EIF4E3: variants seen among roughly 807,000 people sequenced by gnomAD.
EIF4E3 encodes the protein eukaryotic translation initiation factor 4E type 3.
In EIF4E3, 26 loss-of-function variants were observed where a neutral mutation model predicts 31.7. The ratio of observed to expected loss-of-function variants is 0.82; its 90% CI spans 0.60 to 1.14. The LOEUF (loss-of-function observed/expected upper bound fraction) is 1.14. EIF4E3 is among the 50% of genes most tolerant of loss of function. The pLI is 0.00. For synonymous variants in EIF4E3, 128 were observed against 107.7 expected (o/e 1.19, Z -1.17); for missense variants, 304 against 270.9 (o/e 1.12, Z -0.86).
chr3:71,692,090 T>G (rs1038181972), intron 5 of EIF4E3, among the ~76,000 whole-genome samples: 2 of 152,208 alleles, frequency 1.3e-5, no homozygotes, highest in African/African-American at 4.8e-5. Context: ...CACAGCACTT[T>G]CACAAATGGC....
At chr3:71,660,190 G>A in the EIF4E3 span, among the ~76,000 whole-genome samples, 10,773 of 152,166 alleles carry the variant, frequency 0.071, 1,079 homozygotes, top group African/African-American at 0.22. Flanking sequence ...TAAGAGATGG[G>A]AAGGTACCCA....
chr3:71,726,834 AG>A (rs895394039), upstream of EIF4E3, among the ~76,000 whole-genome samples: 1 of 152,226 alleles, frequency 6.6e-6, no homozygotes, highest in Non-Finnish European at 1.5e-5. Flanking sequence ...ACACTAAAAC[AG>A]GGGAGGGTGC....
At chr3:71,725,483 GCCGCCC>G (rs2049624762), upstream of EIF4E3, 1 of 160,182 alleles carries the variant, frequency 6.2e-6, no homozygotes, top group Non-Finnish European at 8.0e-6. The surrounding 1 kb of genome is among the most constrained non-coding windows in gnomAD (Gnocchi z 6.1). Flanking sequence ...CCCCGGGCTA[GCCGCCC>G]GCCGCCCGCC....
At chr3:71,727,945 T>A (rs567604144), upstream of EIF4E3, among the ~76,000 whole-genome samples, 153 of 152,318 alleles carry the variant, frequency 1.0e-3, no homozygotes, top group Non-Finnish European at 1.7e-3. Context: ...CTAGGAACAG[T>A]CTGGCAGTTT....
At chr3:71,686,720 T>C (rs1172569491) in intron 6 of EIF4E3, among the ~76,000 whole-genome samples, 1 of 152,124 alleles carries the variant, frequency 6.6e-6, no homozygotes, top group African/African-American at 2.4e-5. Flanking sequence ...AATCCAGATA[T>C]ACAGACTATC....
chr3:71,673,925 ATATAT>A (rs200989101), downstream of EIF4E3, among the ~76,000 whole-genome samples: 1,719 of 142,864 alleles, frequency 0.012, 35 homozygotes, highest in Admixed American at 0.059. Flanking sequence ...ATATATATAT[ATATAT>A]AAAAAACATA....
chr3:71,754,629 G>C, upstream of EIF4E3: 1 of 1,471,226 alleles, frequency 6.8e-7, no homozygotes, highest in Non-Finnish European at 9.0e-7. The surrounding 1 kb of genome is among the most constrained non-coding windows in gnomAD (Gnocchi z 5.8). Context: ...GGCCGTGGTG[G>C]TGGGCGCCAC....
intron 1 of EIF4E3, among the ~76,000 whole-genome samples, chr3:71,733,495 G>A (rs1479644137): frequency 6.6e-6 from 1 of 152,144 alleles, no homozygotes; most frequent in African/African-American, 2.4e-5. Context: ...TCATATTTAT[G>A]ACATAAGAAA....
the EIF4E3 span, among the ~76,000 whole-genome samples, chr3:71,663,848 C>T: frequency 6.6e-6 from 1 of 152,234 alleles, no homozygotes; most frequent in African/African-American, 2.4e-5. Context: ...GTGTGAGGGA[C>T]AGGCAAACAG....
At chr3:71,725,653 G>C (rs1170634662), upstream of EIF4E3, among the ~76,000 whole-genome samples, 3 of 152,028 alleles carry the variant, frequency 2.0e-5, no homozygotes, top group African/African-American at 7.2e-5. The surrounding 1 kb of genome is among the most constrained non-coding windows in gnomAD (Gnocchi z 6.1). Flanking sequence ...CTGACGGCCT[G>C]GCCTGGAGTG....
At chr3:71,703,323 G>A (rs918884965) in intron 2 of EIF4E3, among the ~76,000 whole-genome samples, 6 of 152,172 alleles carry the variant, frequency 3.9e-5, no homozygotes, top group South Asian at 4.1e-4. Context: ...CTCTCCTGGA[G>A]AAACTGAGGC....
chr3:71,686,377 G>C (rs2048991256), intron 6 of EIF4E3, among the ~76,000 whole-genome samples: 1 of 151,970 alleles, frequency 6.6e-6, no homozygotes, highest in Non-Finnish European at 1.5e-5. Flanking sequence ...CATCATCTTG[G>C]ACGTTCACCC....
chr3:71,689,901 T>G (rs915844436), intron 6 of EIF4E3, 109 bp downstream of exon 6: 6 of 1,081,426 alleles, frequency 5.5e-6, no homozygotes, highest in Non-Finnish European at 6.1e-6. Context: ...ATTTTCTGAA[T>G]TATCAAATTT....
upstream of EIF4E3, chr3:71,754,113 C>G: frequency 7.1e-7 from 1 of 1,411,718 alleles, no homozygotes; most frequent in Non-Finnish European, 9.3e-7. This position sits in a 1 kb window ranked among gnomAD's most constrained non-coding sequence, Gnocchi z 5.8. Context: ...GGGCCTCAAG[C>G]TGGCCACGCT....
chr3:71,666,881 G>A, the EIF4E3 span, among the ~76,000 whole-genome samples: 1 of 152,118 alleles, frequency 6.6e-6, no homozygotes, highest in East Asian at 1.9e-4. Flanking sequence ...GGAGGTTGCA[G>A]TGAGCCGAGG....
At chr3:71,662,042 C>T in the EIF4E3 span, among the ~76,000 whole-genome samples, 1 of 152,172 alleles carries the variant, frequency 6.6e-6, no homozygotes, top group Non-Finnish European at 1.5e-5. Flanking sequence ...GAGTCTGGCA[C>T]AGGGTCCATG....
chr3:71,696,716 T>C (rs1448860581), intron 3 of EIF4E3, among the ~76,000 whole-genome samples, 196 bp from the exon 4 acceptor site: 2 of 145,770 alleles, frequency 1.4e-5, no homozygotes, highest in Middle Eastern at 3.4e-3. Flanking sequence ...GGGGTATATC[T>C]GAATTTTTTT....
intron 1 of EIF4E3, among the ~76,000 whole-genome samples, chr3:71,746,751 C>T (rs1488969202): frequency 6.6e-6 from 1 of 152,106 alleles, no homozygotes; most frequent in Non-Finnish European, 1.5e-5. Context: ...TTTCATCACC[C>T]CCCAAAAAGC....
chr3:71,674,861 G>A (rs936872217), downstream of EIF4E3, among the ~76,000 whole-genome samples: 1 of 152,210 alleles, frequency 6.6e-6, no homozygotes, highest in Admixed American at 6.5e-5. Flanking sequence ...CTAAAAAGGA[G>A]GAAACTGGGG....
Sources: gnomAD v4.1 joint callset for allele counts (sites outside exome capture counted in the v4.1 genomes callset) on GRCh38, gnomAD v4.1.1 for gene constraint, Gnocchi (gnomAD v3.1) non-coding constraint, MANE v1.5 for transcripts, NCBI Gene and HGNC (gene_info 2026-07-23, HGNC 2026-07-21) for gene names.